The following CHRND variants were observed in gnomAD, a reference collection of about 807,000 sequenced individuals.
CHRND encodes the protein cholinergic receptor nicotinic delta subunit.
Under a neutral mutation model 57.8 loss-of-function variants are expected in CHRND, and 40 were observed. That is an observed-to-expected ratio of 0.69 (90% CI 0.54 to 0.90). The LOEUF (loss-of-function observed/expected upper bound fraction) is 0.90. Among genes scored for constraint, CHRND ranks in the 40% least tolerant of loss-of-function variants. The pLI is 0.00. For missense variants in CHRND, 634 were observed against 673.9 expected (o/e 0.94, Z 0.66); for synonymous variants, 237 against 270.6 (o/e 0.88, Z 1.22).
chr2:232,527,850 A>G (rs1315779594), intron 3 of CHRND, among the ~76,000 whole-genome samples: 2 of 152,220 alleles, frequency 1.3e-5, no homozygotes, highest in African/African-American at 2.4e-5. Context: ...ACTGTTCTCC[A>G]GGAGGGGTTG....
chr2:232,530,416 G>C (rs556374717), intron 7 of CHRND, among the ~76,000 whole-genome samples: 5 of 152,362 alleles, frequency 3.3e-5, no homozygotes, highest in African/African-American at 1.2e-4. Context: ...TGTCAGGGCA[G>C]AGACCAAGTC....
At chr2:232,530,310 G>C (rs1320946297) in intron 7 of CHRND, among the ~76,000 whole-genome samples, 171 bp downstream of exon 7, 1 of 152,184 alleles carries the variant, frequency 6.6e-6, no homozygotes, top group Non-Finnish European at 1.5e-5. Context: ...AGGGAGGGCT[G>C]TATGATTCTG....
chr2:232,530,074 A>T lies in CHRND; in HGVS notation c.755A>T (p.Asn252Ile). The change falls in exon 7 of 12, where the codon AAC becomes ATC. Residue 252 changes from asparagine to isoleucine, a missense_variant. Asn to Ile is a moderately radical substitution (Grantham distance 149). Coordinates refer to ENST00000258385, the MANE Select transcript of CHRND (RefSeq NM_000751.3). ...IRRKPLFYII[N>I]ILVPCVLISF... Reference sequence around the variant, plus strand: ...CGCAAGCCCCTCTTCTACATCATCAACATCCTGGTGCCCTGCGTGCTCATC... The same window carrying T: ...CGCAAGCCCCTCTTCTACATCATCATCATCCTGGTGCCCTGCGTGCTCATC... 1 of 1,614,050 alleles carries T rather than the reference A, an allele frequency of 6.2e-7. No homozygotes were observed. The highest frequency in any genetic ancestry group is 1.3e-5 in the African/African-American group (1 of 74,998).
intron 7 of CHRND, 43 bp from the exon 8 acceptor site, chr2:232,531,309 A>G (rs951291427): frequency 2.4e-6 from 3 of 1,253,578 alleles, no homozygotes; most frequent in South Asian, 2.5e-5. Context: ...TGGACCCTCT[A>G]GGACCGGTGC....
chr2:232,534,390 G>A, intron 11 of CHRND, 48 bp downstream of exon 11: 2 of 1,553,670 alleles, frequency 1.3e-6, no homozygotes, highest in Non-Finnish European at 1.8e-6. Flanking sequence ...GTAGGGCACT[G>A]ATTAAGTGTA....
At chr2:232,534,886 T>G (rs1691829119) in intron 11 of CHRND, among the ~76,000 whole-genome samples, 1 of 152,188 alleles carries the variant, frequency 6.6e-6, no homozygotes, top group Non-Finnish European at 1.5e-5. Context: ...CCCAGAGCCC[T>G]GTGCTACAGC....
At position 232,527,310 on chromosome 2, in the gene CHRND, A is replaced by AAG. The variant is rs1553573947; in HGVS notation, c.199-68_199-67dup. ...AATTGAGCAAGACCCTGGAAAAAAAAAGAGAGAGAGAGAGAGAGAGAGAGT... is the reference window on the plus strand; with the variant it reads ...AATTGAGCAAGACCCTGGAAAAAAAAAGAGAGAGAGAGAGAGAGAGAGAGAGT... On this transcript the variant is annotated intron_variant, in intron 2 of 11. Transcript: ENST00000258385. 0.019 allele frequency: 17,502 copies of AAG among 903,266 alleles called. 103 individuals are homozygous for AAG. Among genetic ancestry groups the AAG allele is most frequent in the Middle Eastern group, 0.027 (119 of 4,408 alleles). The allele number at this position is 903,266 out of a possible 1,614,324, so 56.0% of individuals were successfully genotyped here. A position where few individuals can be genotyped will look rare whatever the true frequency, so the allele number is the denominator to read the frequency against.
In CHRND at chr2:232,531,472, C is replaced by T. The variant is rs367837942; in HGVS notation, c.932+9C>T. 35 of 1,613,320 alleles carry T rather than the reference C, an allele frequency of 2.2e-5. No individual in the cohort carries two copies. In the East Asian group the frequency reaches 2.9e-4, roughly 13 times the overall value. On this transcript the variant is annotated intron_variant, in intron 8 of 11. Transcript: ENST00000258385. Reference sequence around the variant, plus strand: ...ATCCCCCTTATCGGCAAGTGAGTGACGCTCAAGCCCGGCCTCACCCTGCTT... The same window carrying T: ...ATCCCCCTTATCGGCAAGTGAGTGATGCTCAAGCCCGGCCTCACCCTGCTT...
Position 232,531,678 on chromosome 2 carries a change from A to G in CHRND, c.1047+22A>G, listed in dbSNP as rs768441010. ...GAAGGTGAGTACTTGGCCCGGCGCA[A>G]AAGCTCACCACTGTAATCCTGGCAT... On this transcript the variant is annotated intron_variant, in intron 9 of 11. Transcript: ENST00000258385. 1.9e-6 allele frequency: 3 copies of G among 1,588,954 alleles called. No individual in the cohort carries two copies. The East Asian group carries it at 6.7e-5, about 36-fold the overall frequency.
chr2:232,534,254 A>G lies in CHRND; in HGVS notation c.1283A>G (p.Gln428Arg). Residue 428 changes from glutamine (Q) to arginine (R), a missense_variant, in exon 11 of 12, where the codon CAG (glutamine) becomes CGG (arginine). Physicochemically the swap from Gln to Arg is conservative, Grantham distance 43. Transcript: ENST00000258385. Reference protein sequence around the residue: ...RRPPASSEQAQQELFNELKPA... With the variant: ...RRPPASSEQARQELFNELKPA... ...CCCCCAGCAAGCTCTGAGCAGGCCCAGCAGGAACTCTTCAATGAGCTGAAG... is the reference window on the plus strand; with the variant it reads ...CCCCCAGCAAGCTCTGAGCAGGCCCGGCAGGAACTCTTCAATGAGCTGAAG... The G allele has an allele frequency of 6.2e-7, 1 of 1,614,194 alleles. No homozygotes were observed. The highest frequency in any genetic ancestry group is 8.5e-7 in the Non-Finnish European group (1 of 1,180,042).
intron 9 of CHRND, among the ~76,000 whole-genome samples, chr2:232,532,401 G>C (rs1325764402): frequency 6.7e-6 from 1 of 149,538 alleles, no homozygotes; most frequent in Non-Finnish European, 1.5e-5. Context: ...TCGGGAGGTG[G>C]AGGTTGCAGT....
At position 232,528,891 on chromosome 2, in the gene CHRND, C is replaced by A. The variant is rs867371624; in HGVS notation, c.539C>A (p.Thr180Asn). Residue 180 changes from threonine to asparagine, a missense_variant, in exon 6 of 12, where the codon ACC becomes AAC. Physicochemically the swap from Thr to Asn is moderately conservative, Grantham distance 65 (BLOSUM62 0). Coordinates refer to ENST00000258385, the MANE Select transcript of CHRND (RefSeq NM_000751.3). ...SSLKYTAKEITLSLKQDAKEN... is the reference protein window; with the variant it reads ...SSLKYTAKEINLSLKQDAKEN... ...CTCAAGTATACGGCCAAAGAGATCA[C>A]CCTGAGCCTGAAACAGGATGCCAAG... is the stretch of plus-strand genomic sequence containing the variant. 3.1e-6 allele frequency: 5 copies of A among 1,614,032 alleles called. No homozygotes were observed. The highest frequency in any genetic ancestry group is 1.6e-4 in the Middle Eastern group (1 of 6,084).
At chr2:232,526,782 C>T in intron 2 of CHRND, 108 bp downstream of exon 2, 1 of 1,174,726 alleles carries the variant, frequency 8.5e-7, no homozygotes, top group Admixed American at 1.9e-5. Context: ...ATGGCCACTC[C>T]CTTCCTGGGA....
Position 232,536,375 on chromosome 2 carries a change from T to C in CHRND, c.*1063T>C. The C allele has an allele frequency of 2.2e-6, 1 of 454,128 alleles. No homozygotes were observed. The highest frequency in any genetic ancestry group is 4.4e-6 in the Non-Finnish European group (1 of 226,798). The allele number at this position is 454,128 out of a possible 1,614,324, so 28.1% of individuals were successfully genotyped here. ...CCTCTTTCTTGCTCATTAGCCCTCATTCTCACATCAGTTGGATCTCTCACT... is the reference window on the plus strand; with the variant it reads ...CCTCTTTCTTGCTCATTAGCCCTCACTCTCACATCAGTTGGATCTCTCACT... On this transcript the variant is annotated 3_prime_UTR_variant, in exon 12 of 12. Transcript: ENST00000258385.
In CHRND at chr2:232,534,153, T is replaced by G; in HGVS notation, c.1252+18T>G. 1 of 1,614,104 alleles carries G rather than the reference T, an allele frequency of 6.2e-7. No homozygotes were observed. Among genetic ancestry groups the G allele is most frequent in the Non-Finnish European group, 8.5e-7 (1 of 1,180,020 alleles). On this transcript the variant is annotated intron_variant, in intron 10 of 11. Coordinates refer to ENST00000258385, the MANE Select transcript of CHRND (RefSeq NM_000751.3). The stretch of plus-strand genomic sequence containing the variant: ...CACTGCACGTGGGTCCCCGCTGGTC[T>G]TGGTTTTCAGCCCATCTGTGGGAGG...
chr2:232,531,616 G>A lies in CHRND; in HGVS notation c.1007G>A (p.Arg336Gln), dbSNP rs375623674. The A allele has an allele frequency of 2.0e-5, 33 of 1,613,662 alleles. No individual in the cohort carries two copies. The highest frequency in any genetic ancestry group is 2.7e-5 in the Non-Finnish European group (32 of 1,180,032). The change falls in exon 9 of 12, where the codon CGA (arginine) becomes CAA (glutamine). Residue 336 changes from arginine to glutamine, a missense_variant. Physicochemically the swap from Arg to Gln is conservative, Grantham distance 43 (BLOSUM62 1). Coordinates refer to ENST00000258385, the MANE Select transcript of CHRND (RefSeq NM_000751.3). ...GTCATCGTGCTCAACATCCACTTCC[G>A]AACACCCAGCACCCATGTGCTGTCT... ...ICVIVLNIHFRTPSTHVLSEG... is the reference protein window; with the variant it reads ...ICVIVLNIHFQTPSTHVLSEG...
chr2:232,536,312 A>C lies in CHRND; in HGVS notation c.*1000A>C, dbSNP rs1403925300. The C allele has an allele frequency of 2.2e-6, 1 of 454,096 alleles. No homozygotes were observed. Among genetic ancestry groups the C allele is most frequent in the East Asian group, 7.0e-5 (1 of 14,384 alleles). The allele number at this position is 454,096 out of a possible 1,614,324, so 28.1% of individuals were successfully genotyped here. ...AATAGAATGAGGCAGAAGTGATGGT[A>C]CCTCACTTCCCAGATTTGGTTAGGA... On this transcript the variant is annotated 3_prime_UTR_variant, in exon 12 of 12. Transcript: ENST00000258385.
At chr2:232,531,946 C>CAAAAA (rs778006115) in intron 9 of CHRND, among the ~76,000 whole-genome samples, 20 of 46,054 alleles carry the variant, frequency 4.3e-4, no homozygotes, top group African/African-American at 1.4e-3. Flanking sequence ...GACCTTGTCT[C>CAAAAA]AAAAAAAAAA....
rs1345057315 is a variant in CHRND, at chr2:232,535,717, C to T, written c.*405C>T. The stretch of plus-strand genomic sequence containing the variant: ...GCCTTCACTCTCTGGCCCCTCCAGC[C>T]TCCCTCTTCCTACCTACCCTTCAAC... On this transcript the variant is annotated 3_prime_UTR_variant, in exon 12 of 12. Coordinates refer to ENST00000258385, the MANE Select transcript of CHRND (RefSeq NM_000751.3). The T allele has an allele frequency of 2.2e-6, 1 of 461,530 alleles. No homozygotes were observed. The highest frequency in any genetic ancestry group is 2.3e-5 in the Admixed American group (1 of 42,750). The allele number at this position is 461,530 out of a possible 1,614,324, so 28.6% of individuals were successfully genotyped here.
Sources: gnomAD v4.1 joint callset for allele counts (sites outside exome capture counted in the v4.1 genomes callset) on GRCh38, gnomAD v4.1.1 for gene constraint, MANE v1.5 for transcripts, NCBI Gene and HGNC (gene_info 2026-07-23, HGNC 2026-07-21) for gene names.